GLRA2: variants seen among roughly 807,000 people sequenced by gnomAD.
The protein encoded by GLRA2 is glycine receptor subunit alpha-2.
GLRA2 carries 11 observed loss-of-function variants against 31.6 expected under a neutral mutation model. That is an observed-to-expected ratio of 0.35 (90% CI 0.22 to 0.58). The LOEUF (loss-of-function observed/expected upper bound fraction) is 0.58, where lower values mean the gene tolerates loss of function less well. GLRA2 is among the 20% of genes least tolerant of loss of function. GLRA2 has a pLI of 0.84. For missense variants in GLRA2, 212 were observed against 351.8 expected (o/e 0.60, Z 3.18); for synonymous variants, 132 against 134.0 (o/e 0.99, Z 0.10).
chrX:14,574,255 C>G (rs1392020452), intron 2 of GLRA2, 78 bp from the exon 3 acceptor site: 5 of 640,406 alleles, frequency 7.8e-6, no homozygotes, highest in East Asian at 3.2e-5. Flanking sequence ...ATTCAAATCT[C>G]TAGCCAATTG....
chrX:14,715,234 C>A (rs1376756255), intron 8 of GLRA2, among the ~76,000 whole-genome samples: 1 of 112,009 alleles, frequency 8.9e-6, no homozygotes, highest in African/African-American at 3.2e-5. Flanking sequence ...GACGGTGTTT[C>A]AAAAATAGAA....
Position 14,730,614 on chromosome X carries a change from G to T in GLRA2, c.*129G>T. 8 of 299,329 alleles carry T rather than the reference G, an allele frequency of 2.7e-5. No individual in the cohort carries two copies. Among genetic ancestry groups the T allele is most frequent in the Admixed American group, 1.5e-4 (3 of 19,819 alleles). The allele number at this position is 299,329 out of a possible 1,213,427, so 24.7% of individuals were successfully genotyped here. On this transcript the variant is annotated 3_prime_UTR_variant, in exon 9 of 9. Transcript: ENST00000218075. ...GGGGGGAGGGAGGGTCATGGGGGTG[G>T]GTTTCCTGGCACCTACATGAAAAAA...
intron 2 of GLRA2, among the ~76,000 whole-genome samples, chrX:14,533,627 A>G (rs1369459470): frequency 9.0e-6 from 1 of 111,055 alleles, no homozygotes; most frequent in East Asian, 2.8e-4. Flanking sequence ...CAAACTGAGA[A>G]CCAGCTTTCA....
chrX:14,651,653 C>T (rs978367518), intron 7 of GLRA2, among the ~76,000 whole-genome samples: 3 of 111,646 alleles, frequency 2.7e-5, no homozygotes, highest in Non-Finnish European at 5.6e-5. Flanking sequence ...GTAGGCTATA[C>T]AGTCTAGGTT....
the GLRA2 span, among the ~76,000 whole-genome samples, chrX:14,517,639 G>A: frequency 4.5e-5 from 5 of 111,612 alleles, no homozygotes; most frequent in Non-Finnish European, 9.4e-5. Flanking sequence ...ATGACATGTG[G>A]GGATTATGGG....
the GLRA2 span, among the ~76,000 whole-genome samples, chrX:14,519,946 A>G: frequency 8.9e-6 from 1 of 112,431 alleles, no homozygotes. Flanking sequence ...ATGAGTTAGC[A>G]TCTATATTAT....
intron 8 of GLRA2, among the ~76,000 whole-genome samples, chrX:14,715,279 G>A (rs1391365255): frequency 1.8e-5 from 2 of 112,238 alleles, no homozygotes; most frequent in African/African-American, 3.2e-5. Flanking sequence ...TTAAGCTTAG[G>A]TTTGCCCTAA....
At chrX:14,713,958 C>G (rs1428215678) in intron 8 of GLRA2, among the ~76,000 whole-genome samples, 2 of 111,290 alleles carry the variant, frequency 1.8e-5, no homozygotes. Context: ...AGCCAGCAGA[C>G]CATGTAGATG....
chrX:14,681,905 AAAAAAATAT>A (rs1569521031), intron 7 of GLRA2, among the ~76,000 whole-genome samples: 2 of 80,802 alleles, frequency 2.5e-5, no homozygotes, highest in African/African-American at 9.7e-5. Context: ...AAAAAAAAAA[AAAAAAATAT>A]ATATATATAT....
intron 2 of GLRA2, among the ~76,000 whole-genome samples, chrX:14,541,169 C>T (rs765283802): frequency 2.7e-4 from 30 of 111,641 alleles, no homozygotes; most frequent in Non-Finnish European, 5.1e-4. Flanking sequence ...AGATTTAATG[C>T]CAAGTCTCTC....
intron 7 of GLRA2, among the ~76,000 whole-genome samples, chrX:14,613,305 T>A (rs1286011875): frequency 9.0e-6 from 1 of 111,586 alleles, no homozygotes; most frequent in Non-Finnish European, 1.9e-5. Flanking sequence ...ATAGAAGATG[T>A]CCTGTTCTTT....
chrX:14,581,007 TC>T (rs1249881568), intron 3 of GLRA2, among the ~76,000 whole-genome samples, 175 bp from the exon 4 acceptor site: 1 of 111,647 alleles, frequency 9.0e-6, no homozygotes, highest in Non-Finnish European at 1.9e-5. Flanking sequence ...TTTTTCTTTC[TC>T]CCTTTTGTCC....
At chrX:14,619,701 G>T (rs7881577) in intron 7 of GLRA2, among the ~76,000 whole-genome samples, 83 of 109,211 alleles carry the variant, frequency 7.6e-4, no homozygotes, top group African/African-American at 2.7e-3. Flanking sequence ...TTGTTTCCCC[G>T]CAGTACTTTA....
chrX:14,679,926 A>G (rs2091182214), intron 7 of GLRA2, among the ~76,000 whole-genome samples: 1 of 111,622 alleles, frequency 9.0e-6, no homozygotes, highest in Non-Finnish European at 1.9e-5. Context: ...TAAGATGTAC[A>G]ACCCCAAGAA....
chrX:14,665,275 C>T (rs1196336432), intron 7 of GLRA2, among the ~76,000 whole-genome samples: 2 of 111,919 alleles, frequency 1.8e-5, no homozygotes, highest in African/African-American at 6.5e-5. Context: ...AATCTAAATA[C>T]ATCTTCTGAA....
At chrX:14,495,573 T>G in the GLRA2 span, among the ~76,000 whole-genome samples, 1 of 109,122 alleles carries the variant, frequency 9.2e-6, no homozygotes, top group African/African-American at 3.3e-5. Flanking sequence ...TATATATATG[T>G]CTGTGTGAGT....
At chrX:14,642,283 G>A (rs1257490737) in intron 7 of GLRA2, among the ~76,000 whole-genome samples, 2 of 111,752 alleles carry the variant, frequency 1.8e-5, no homozygotes, top group African/African-American at 6.5e-5. Flanking sequence ...CAGTTCTTCT[G>A]CTAATGAGAA....
intron 8 of GLRA2, among the ~76,000 whole-genome samples, chrX:14,724,616 A>G (rs2091905935): frequency 1.1e-5 from 1 of 87,935 alleles, no homozygotes; most frequent in Admixed American, 1.2e-4. Flanking sequence ...ACAAAAGCAA[A>G]ACTCTGTCTC....
At chrX:14,507,789 G>T in the GLRA2 span, among the ~76,000 whole-genome samples, 14 of 99,576 alleles carry the variant, frequency 1.4e-4, no homozygotes, top group Admixed American at 4.5e-4. Flanking sequence ...CGCCTCCTGG[G>T]TTTAAGCGAT....
Sources: allele counts gnomAD v4.1 joint callset (sites outside exome capture counted in the v4.1 genomes callset), GRCh38; gene constraint gnomAD v4.1.1; transcripts MANE v1.5; gene names NCBI Gene and HGNC (gene_info 2026-07-23, HGNC 2026-07-21).